Variants in TRPM8 observed in about 807,000 individuals in gnomAD.
TRPM8 encodes transient receptor potential cation channel subfamily M member 8.
TRPM8 carries 110 observed loss-of-function variants against 133.7 expected under a neutral mutation model. The ratio of observed to expected loss-of-function variants is 0.82; its 90% CI spans 0.70 to 0.96. The LOEUF is 0.96. Ranked by LOEUF, TRPM8 falls within the 40% of genes least tolerant of loss-of-function variation. The pLI, the probability that TRPM8 is intolerant of heterozygous loss-of-function variation, is 0.00. For synonymous variants in TRPM8, 535 were observed against 532.3 expected (o/e 1.01, Z -0.07); for missense variants, 1,291 against 1,379.5 (o/e 0.94, Z 1.02).
chr2:233,974,803 T>C (rs1691825631), intron 17 of TRPM8, among the ~76,000 whole-genome samples: 1 of 151,960 alleles, frequency 6.6e-6, no homozygotes, highest in Non-Finnish European at 1.5e-5. Flanking sequence ...AAGGTAGCCA[T>C]TGAGTAGAAT....
intron 20 of TRPM8, among the ~76,000 whole-genome samples, chr2:233,985,100 G>A (rs991165488): frequency 1.4e-5 from 2 of 147,936 alleles, no homozygotes; most frequent in East Asian, 3.9e-4. Flanking sequence ...AAAAAAAGAT[G>A]TAAAAAATTA....
intron 5 of TRPM8, 21 bp downstream of exon 5, chr2:233,939,196 C>A (rs552544597): frequency 1.4e-5 from 23 of 1,610,800 alleles, no homozygotes; most frequent in South Asian, 7.7e-5. Flanking sequence ...GAGCAGCGAC[C>A]GCGGGTTCTT....
Position 233,926,615 on chromosome 2 carries a change from C to G in TRPM8, c.78C>G (p.Ser26=). ...DTLDSTRTLY[S]SASRSTDLSY... ...TGGACAGCACCCGGACCCTGTACTC[C>G]AGCGCGTCTCGGAGCACAGACTTGT... The change falls in exon 2 of 26, where the codon TCC becomes TCG. Residue 26 remains serine (S), a synonymous_variant. Coordinates refer to ENST00000324695, the MANE Select transcript of TRPM8 (RefSeq NM_024080.5). 6.2e-7 allele frequency: 1 copy of G among 1,614,162 alleles called. No individual in the cohort carries two copies. Among genetic ancestry groups the G allele is most frequent in the Non-Finnish European group, 8.5e-7 (1 of 1,180,016 alleles).
chr2:233,935,290 C>G (rs1691768368), intron 3 of TRPM8, among the ~76,000 whole-genome samples: 1 of 152,194 alleles, frequency 6.6e-6, no homozygotes, highest in African/African-American at 2.4e-5. Context: ...GCAGGGGATC[C>G]TTGCTCCAGA....
chr2:233,966,905 G>A, intron 15 of TRPM8, 150 bp downstream of exon 15: 2 of 976,870 alleles, frequency 2.0e-6, no homozygotes, highest in Non-Finnish European at 2.9e-6. Context: ...GTGGGAGATG[G>A]CCAAGTATAG....
chr2:233,978,054 C>A (rs1691911922), intron 17 of TRPM8, among the ~76,000 whole-genome samples: 1 of 150,548 alleles, frequency 6.6e-6, no homozygotes, highest in Non-Finnish European at 1.5e-5. Flanking sequence ...AAATGGAATC[C>A]TACTGTGTTC....
chr2:233,999,598 C>A (rs6714489), intron 22 of TRPM8, among the ~76,000 whole-genome samples: 35,195 of 151,810 alleles, frequency 0.23, 4,753 homozygotes, highest in African/African-American at 0.37. Flanking sequence ...GAGAATGCCT[C>A]CCCCACCCAA....
In TRPM8 at chr2:233,964,659, C is replaced by A. The variant is rs752895681; in HGVS notation, c.1781C>A (p.Ala594Asp). 2 of 1,609,804 alleles carry A rather than the reference C, an allele frequency of 1.2e-6. No individual in the cohort carries two copies. The highest frequency in any genetic ancestry group is 2.2e-5 in the East Asian group (1 of 44,866). ...TRGCTLAALG[A>D]SKLLKTLAKV... ...GGCTGCACTCTGGCAGCCCTGGGAG[C>A]CAGCAAGCTTCTGAAGACTCTGGCC... Residue 594 changes from alanine to aspartate, a missense_variant, in exon 14 of 26, where the codon GCC becomes GAC. Around this residue, in one of 2 missense-constraint regions of TRPM8, gnomAD observed 963 missense variants for 968.9 expected, o/e 0.99. Transcript: ENST00000324695.
At chr2:233,966,572 T>C in intron 14 of TRPM8, 38 bp from the exon 15 acceptor site, 1 of 1,613,138 alleles carries the variant, frequency 6.2e-7, no homozygotes. Flanking sequence ...CATGTGCAGC[T>C]CTTACACCAG....
chr2:233,996,573 G>A, intron 22 of TRPM8, 57 bp downstream of exon 22: 2 of 1,484,162 alleles, frequency 1.3e-6, no homozygotes, highest in Non-Finnish European at 1.9e-6. Flanking sequence ...TTTCAGGGAA[G>A]GATGCCTGGT....
chr2:233,927,794 T>TCCTTCCTTC (rs1559516239), intron 2 of TRPM8, among the ~76,000 whole-genome samples: 1 of 44,168 alleles, frequency 2.3e-5, no homozygotes, highest in African/African-American at 3.4e-4. Context: ...TTCTTTCTTT[T>TCCTTCCTTC]CTTTCCTTCC....
At chr2:234,014,808 A>G in intron 25 of TRPM8, 154 bp downstream of exon 25, 1 of 429,136 alleles carries the variant, frequency 2.3e-6, no homozygotes. Flanking sequence ...ACAGAGATAG[A>G]GAAAGAACAA....
chr2:234,016,507 G>A (rs1016326831), intron 25 of TRPM8, among the ~76,000 whole-genome samples: 1 of 152,126 alleles, frequency 6.6e-6, no homozygotes, highest in Non-Finnish European at 1.5e-5. Context: ...CCCTGGGGTA[G>A]TGGCCAGGGA....
intron 1 of TRPM8, among the ~76,000 whole-genome samples, chr2:233,924,809 G>A (rs1042533433): frequency 1.2e-4 from 18 of 152,214 alleles, no homozygotes; most frequent in Non-Finnish European, 2.5e-4. Flanking sequence ...CTACTTAGAA[G>A]CAGTTTGCTG....
intron 17 of TRPM8, among the ~76,000 whole-genome samples, chr2:233,971,607 T>C (rs1691721117): frequency 6.6e-6 from 1 of 152,124 alleles, no homozygotes; most frequent in Admixed American, 6.5e-5. Context: ...CCGCGGACCC[T>C]TGCGGTGAGT....
At chr2:233,950,897 T>C (rs1239531650) in intron 9 of TRPM8, among the ~76,000 whole-genome samples, 1 of 152,080 alleles carries the variant, frequency 6.6e-6, no homozygotes, top group Non-Finnish European at 1.5e-5. Flanking sequence ...CTACTTCGAG[T>C]CAGTTCTGAA....
chr2:233,948,944 G>A (rs1298502448), intron 8 of TRPM8, among the ~76,000 whole-genome samples: 1 of 152,196 alleles, frequency 6.6e-6, no homozygotes, highest in Non-Finnish European at 1.5e-5. Context: ...TAAGGCAGGA[G>A]AATCGCTTGA....
chr2:234,011,201 G>C (rs1692828394), intron 24 of TRPM8, among the ~76,000 whole-genome samples: 1 of 152,176 alleles, frequency 6.6e-6, no homozygotes, highest in African/African-American at 2.4e-5. Flanking sequence ...TGGATATCCA[G>C]TTTTTTCAAC....
intron 17 of TRPM8, among the ~76,000 whole-genome samples, chr2:233,970,997 C>T (rs1463650607): frequency 6.6e-6 from 1 of 152,154 alleles, no homozygotes; most frequent in African/African-American, 2.4e-5. Context: ...GTAGCAGGCA[C>T]TTGATTAGTA....
Sources: gnomAD v4.1 joint callset for allele counts (sites outside exome capture counted in the v4.1 genomes callset) on GRCh38, gnomAD v4.1.1 for gene constraint, gnomAD v4.1.1 regional missense constraint, MANE v1.5 for transcripts, NCBI Gene and HGNC (gene_info 2026-07-23, HGNC 2026-07-21) for gene names.